Variants in GPHN observed in about 807,000 individuals in gnomAD.
GPHN encodes gephyrin.
Under a neutral mutation model 95.5 loss-of-function variants are expected in GPHN, and 17 were observed. That is an observed-to-expected ratio of 0.18 (90% CI 0.12 to 0.27). The LOEUF (loss-of-function observed/expected upper bound fraction) is 0.27. Among genes scored for constraint, GPHN ranks in the 10% least tolerant of loss-of-function variants. The pLI is 1.00. For synonymous variants in GPHN, 320 were observed against 322.5 expected, an observed-to-expected ratio of 0.99 and a Z score of 0.08; for missense variants, 660 against 978.1, an observed-to-expected ratio of 0.67 and a Z score of 4.34.
intron 2 of GPHN, among the ~76,000 whole-genome samples, chr14:66,694,762 A>G (rs566057824): frequency 6.6e-6 from 1 of 152,366 alleles, no homozygotes; most frequent in South Asian, 2.1e-4. Context: ...TGAAATGAAA[A>G]GAGAAGCCAC....
the GPHN span, among the ~76,000 whole-genome samples, chr14:67,638,704 G>C: frequency 1.3e-5 from 2 of 152,196 alleles, no homozygotes; most frequent in East Asian, 3.8e-4. Flanking sequence ...CTCAGGCAGG[G>C]CCTCTCAAGG....
chr14:67,082,071 G>T (rs991539496), intron 11 of GPHN, among the ~76,000 whole-genome samples: 2 of 152,078 alleles, frequency 1.3e-5, no homozygotes, highest in African/African-American at 4.8e-5. Flanking sequence ...GTCTTGCTTT[G>T]GCTGTGTGGG....
intron 1 of GPHN, among the ~76,000 whole-genome samples, chr14:66,672,723 C>T (rs578112285): frequency 2.0e-5 from 3 of 152,318 alleles, no homozygotes; most frequent in African/African-American, 7.2e-5. Flanking sequence ...TAATACGCTA[C>T]CTTCACTTTC....
the GPHN span, chr14:67,695,542 T>C: frequency 5.1e-6 from 7 of 1,368,352 alleles, no homozygotes; most frequent in Non-Finnish European, 7.0e-6. Context: ...CCAGGGGAGT[T>C]TTCCAAGAAA....
At chr14:67,429,974 A>G in the GPHN span, among the ~76,000 whole-genome samples, 1 of 152,222 alleles carries the variant, frequency 6.6e-6, no homozygotes, top group Admixed American at 6.5e-5. Flanking sequence ...CCTCAAGATC[A>G]CGTGGCTCAT....
At chr14:66,511,030 A>G (rs182908546) in intron 1 of GPHN, among the ~76,000 whole-genome samples, 35 of 152,310 alleles carry the variant, frequency 2.3e-4, no homozygotes, top group Non-Finnish European at 1.5e-5. Flanking sequence ...GATAACATGT[A>G]TATTTGAAGT....
At chr14:67,527,653 T>G in the GPHN span, among the ~76,000 whole-genome samples, 1 of 152,190 alleles carries the variant, frequency 6.6e-6, no homozygotes, top group Non-Finnish European at 1.5e-5. Flanking sequence ...AAACCAACAA[T>G]GTGTTTTGTA....
chr14:66,519,302 C>G (rs1024052690), intron 1 of GPHN, among the ~76,000 whole-genome samples: 1 of 151,950 alleles, frequency 6.6e-6, no homozygotes, highest in South Asian at 2.1e-4. Flanking sequence ...CTAGTGTTAA[C>G]CACTTAAAAA....
intron 2 of GPHN, among the ~76,000 whole-genome samples, chr14:66,687,612 C>G (rs1371172482): frequency 6.6e-6 from 1 of 151,320 alleles, no homozygotes. Flanking sequence ...GCCTCAGCCT[C>G]TTGAGTAGCT....
chr14:67,193,120 C>A, the GPHN span, among the ~76,000 whole-genome samples: 1 of 143,014 alleles, frequency 7.0e-6, no homozygotes. Flanking sequence ...AGATATCTCT[C>A]TATATATCTC....
At chr14:67,340,597 GTTA>G in the GPHN span, 1 of 1,197,590 alleles carries the variant, frequency 8.4e-7, no homozygotes, top group Non-Finnish European at 1.2e-6. Flanking sequence ...TTGTATAACA[GTTA>G]TTTTTTCCTA....
chr14:67,694,879 C>T, the GPHN span, among the ~76,000 whole-genome samples: 118 of 152,224 alleles, frequency 7.8e-4, 1 homozygote, highest in African/African-American at 2.8e-3. Flanking sequence ...GTCACTGGTC[C>T]GTCACCACTG....
chr14:67,330,544 T>C, the GPHN span, among the ~76,000 whole-genome samples: 2 of 150,198 alleles, frequency 1.3e-5, no homozygotes, highest in African/African-American at 2.5e-5. Context: ...CTGCAACCTC[T>C]GCCTCCCGGG....
chr14:66,898,773 G>T (rs1243829076), intron 5 of GPHN, among the ~76,000 whole-genome samples: 3 of 151,790 alleles, frequency 2.0e-5, no homozygotes, highest in African/African-American at 7.2e-5. Context: ...CAAAAAAATT[G>T]CTCAGATTTT....
chr14:67,574,503 C>T, the GPHN span: 1 of 968,428 alleles, frequency 1.0e-6, no homozygotes, highest in Non-Finnish European at 1.4e-6. The surrounding 1 kb of genome is among the most constrained non-coding windows in gnomAD (Gnocchi z 4.2). Context: ...TTATACGGGG[C>T]TCCTTTCTCT....
intron 1 of GPHN, among the ~76,000 whole-genome samples, chr14:66,679,612 T>C (rs1365050104): frequency 6.6e-6 from 1 of 152,240 alleles, no homozygotes; most frequent in Non-Finnish European, 1.5e-5. Context: ...ATATCTCTTA[T>C]GCTCTGTTCA....
At chr14:67,227,740 GAATTTT>G in the GPHN span, 1 of 152,042 alleles carries the variant, frequency 6.6e-6, no homozygotes, top group African/African-American at 2.4e-5. Flanking sequence ...AGCAGGTATA[GAATTTT>G]AATTTTATTT....
At chr14:66,534,857 A>G (rs1485119503) in intron 1 of GPHN, among the ~76,000 whole-genome samples, 2 of 152,098 alleles carry the variant, frequency 1.3e-5, no homozygotes, top group African/African-American at 4.8e-5. Flanking sequence ...TTATGGATTT[A>G]TAGGAATTCC....
intron 4 of GPHN, among the ~76,000 whole-genome samples, chr14:66,862,666 G>A (rs980162616): frequency 4.6e-5 from 7 of 151,936 alleles, no homozygotes; most frequent in East Asian, 1.9e-4. Context: ...CTTGGCAAGC[G>A]TACAAGGATG....
Sources: gnomAD v4.1 joint callset for allele counts (sites outside exome capture counted in the v4.1 genomes callset) on GRCh38, gnomAD v4.1.1 for gene constraint, Gnocchi (gnomAD v3.1) non-coding constraint, MANE v1.5 for transcripts, NCBI Gene and HGNC (gene_info 2026-07-23, HGNC 2026-07-21) for gene names.